The following DSG1 variants were observed in gnomAD, a reference collection of about 807,000 sequenced individuals.
DSG1 encodes the protein desmoglein 1.
Under a neutral mutation model 97.5 loss-of-function variants are expected in DSG1, and 39 were observed. The observed-to-expected ratio is 0.40, with a 90% CI of 0.31 to 0.52. The LOEUF is 0.52. Ranked by LOEUF, DSG1 falls within the 20% of genes least tolerant of loss-of-function variation. DSG1 has a pLI of 0.53. For missense variants in DSG1, 1,311 were observed against 1,295.4 expected (o/e 1.01, Z -0.18); for synonymous variants, 475 against 443.4 (o/e 1.07, Z -0.90).
chr18:31,321,299 G>T (rs961569996), intron 1 of DSG1, among the ~76,000 whole-genome samples: 3 of 152,028 alleles, frequency 2.0e-5, no homozygotes, highest in Non-Finnish European at 4.4e-5. Context: ...CCCCAAAATT[G>T]TGTTCACAGA....
rs769753882 is a variant in DSG1, at chr18:31,354,637, A to G, written c.2441A>G (p.Tyr814Cys). The G allele has an allele frequency of 1.2e-6, 2 of 1,614,108 alleles. No homozygotes were observed. The highest frequency in any genetic ancestry group is 3.3e-5 in the Admixed American group (2 of 60,022). The change falls in exon 15 of 15, where the codon TAT becomes TGT. Residue 814 changes from tyrosine to cysteine, a missense_variant. Physicochemically the swap from Tyr to Cys is radical, Grantham distance 194 (BLOSUM62 -2). Coordinates refer to ENST00000257192, the MANE Select transcript of DSG1 (RefSeq NM_001942.4). Reference protein sequence around the residue: ...GTTTVISESTYPSGPGVLHPK... With the variant: ...GTTTVISESTCPSGPGVLHPK... ...ACCACAGTAATTTCTGAGAGCACCTATCCCTCGGGACCTGGTGTACTGCAT... is the reference window on the plus strand; with the variant it reads ...ACCACAGTAATTTCTGAGAGCACCTGTCCCTCGGGACCTGGTGTACTGCAT...
chr18:31,318,460 A>G (rs1223335744), intron 1 of DSG1, 112 bp downstream of exon 1: 2 of 855,158 alleles, frequency 2.3e-6, no homozygotes, highest in East Asian at 2.4e-5. Context: ...TTGAAAATGT[A>G]TATTAATGAC....
chr18:31,348,270 C>A (rs1373548267), intron 14 of DSG1, among the ~76,000 whole-genome samples: 1 of 150,918 alleles, frequency 6.6e-6, no homozygotes, highest in Non-Finnish European at 1.5e-5. Flanking sequence ...TTTCCAATTT[C>A]ATCCATGTCC....
intron 11 of DSG1, 91 bp from the exon 12 acceptor site, chr18:31,343,359 C>T (rs956770605): frequency 1.0e-5 from 16 of 1,550,980 alleles, no homozygotes; most frequent in Middle Eastern, 2.1e-4. Context: ...AATTATATTA[C>T]GAATTCAAAT....
intron 9 of DSG1, 112 bp from the exon 10 acceptor site, chr18:31,338,203 A>C: frequency 8.6e-7 from 1 of 1,168,602 alleles, no homozygotes. Context: ...TAGTAATTGA[A>C]AACTGTATCT....
intron 8 of DSG1, among the ~76,000 whole-genome samples, chr18:31,336,124 T>C (rs1288693954): frequency 1.3e-5 from 2 of 152,162 alleles, no homozygotes; most frequent in African/African-American, 4.8e-5. Flanking sequence ...ACGTCATATG[T>C]TTTCAACTTT....
In DSG1 at chr18:31,334,076, T is replaced by G; in HGVS notation, c.879T>G (p.Ile293Met). The change falls in exon 8 of 15, where the codon ATT becomes ATG. Residue 293 changes from isoleucine (I) to methionine (M), a missense_variant. This residue lies in a region of DSG1 where 1,038 missense variants were observed against 964.6 expected (regional missense o/e 1.08). Coordinates refer to ENST00000257192, the MANE Select transcript of DSG1 (RefSeq NM_001942.4). ...CAAATTTGCTCGAGATTAGAGTAAT[T>G]GATTTGGATGAAGAGTTCTCAGCTA... ...LNSNLLEIRV[I>M]DLDEEFSANW... 1.9e-6 allele frequency: 3 copies of G among 1,610,636 alleles called. No homozygotes were observed. The highest frequency in any genetic ancestry group is 2.5e-6 in the Non-Finnish European group (3 of 1,177,070).
intron 12 of DSG1, 25 bp from the exon 13 acceptor site, chr18:31,343,901 G>A: frequency 6.3e-7 from 1 of 1,580,580 alleles, no homozygotes; most frequent in South Asian, 1.1e-5. Flanking sequence ...CACTACAAAT[G>A]GAAATGTTGT....
chr18:31,323,976 C>T (rs1221949440), intron 1 of DSG1, among the ~76,000 whole-genome samples: 5 of 94,984 alleles, frequency 5.3e-5, no homozygotes, highest in South Asian at 4.4e-4. Flanking sequence ...TCTCTCCTTC[C>T]TTTTTTTTTT....
intron 10 of DSG1, 92 bp from the exon 11 acceptor site, chr18:31,339,652 A>T: frequency 2.0e-6 from 2 of 995,948 alleles, no homozygotes; most frequent in Non-Finnish European, 3.0e-6. Flanking sequence ...AGACACTGAA[A>T]TAAATGTTAA....
Position 31,339,852 on chromosome 18 carries a change from G to A in DSG1, c.1514G>A (p.Gly505Asp), listed in dbSNP as rs1225339100. 3.7e-6 allele frequency: 6 copies of A among 1,613,862 alleles called. No homozygotes were observed. The African/African-American group carries it at 5.3e-5, about 14-fold the overall frequency. The change falls in exon 11 of 15, where the codon GGC (glycine) becomes GAC (aspartate). Residue 505 changes from glycine (G) to aspartate (D), a missense_variant. Physicochemically the swap from Gly to Asp is moderately conservative, Grantham distance 94. This residue lies in a region of DSG1 where 1,038 missense variants were observed against 964.6 expected (regional missense o/e 1.08). Transcript: ENST00000257192. ...AACACTAAAATTACTACCAATACTG[G>A]CAGACAAGAAAGTACTTCTTCCACT... is the stretch of plus-strand genomic sequence containing the variant. ...EPNTKITTNT[G>D]RQESTSSTNY...
In DSG1 at chr18:31,336,624, G is replaced by C; in HGVS notation, c.1265+11G>C. ...TTCAACGACTGTTAGGTAAGAATGA[G>C]ATTTTCAACTAATTTTCCTTACATA... On this transcript the variant is annotated intron_variant, in intron 9 of 14. Coordinates refer to ENST00000257192, the MANE Select transcript of DSG1 (RefSeq NM_001942.4). 1 of 1,613,804 alleles carries C rather than the reference G, an allele frequency of 6.2e-7. No homozygotes were observed. The highest frequency in any genetic ancestry group is 8.5e-7 in the Non-Finnish European group (1 of 1,179,840).
intron 9 of DSG1, 41 bp from the exon 10 acceptor site, chr18:31,338,274 G>A: frequency 6.3e-7 from 1 of 1,598,904 alleles, no homozygotes; most frequent in South Asian, 1.1e-5. Flanking sequence ...TCTTTTTTTA[G>A]ATAGCTGACA....
rs1308193623 is a variant in DSG1, at chr18:31,356,816, A to G, written c.*1470A>G. On this transcript the variant is annotated 3_prime_UTR_variant, in exon 15 of 15. Coordinates refer to ENST00000257192, the MANE Select transcript of DSG1 (RefSeq NM_001942.4). ...TATTTTTCTAGTTTCAAAATTTAGT[A>G]ATGTCCTATTTATGATATATCATTT... 6.6e-6 allele frequency: 1 copy of G among 152,150 alleles called. No individual in the cohort carries two copies. Among genetic ancestry groups the G allele is most frequent in the South Asian group, 2.1e-4 (1 of 4,826 alleles). The allele number at this position is 152,150 out of a possible 1,614,324, so 9.4% of individuals were successfully genotyped here.
At chr18:31,321,565 T>C (rs1568038483) in intron 1 of DSG1, among the ~76,000 whole-genome samples, 1 of 152,320 alleles carries the variant, frequency 6.6e-6, no homozygotes, top group East Asian at 1.9e-4. Context: ...TCGCTGTAGA[T>C]TTAGGATTAG....
At chr18:31,333,957 C>A in intron 7 of DSG1, 60 bp from the exon 8 acceptor site, 1 of 1,256,078 alleles carries the variant, frequency 8.0e-7, no homozygotes, top group Non-Finnish European at 1.2e-6. Context: ...CAGTATAAGC[C>A]TACTGTAGTT....
rs1433908607 is a variant in DSG1, at chr18:31,357,749, C to G, written c.*2403C>G. On this transcript the variant is annotated 3_prime_UTR_variant, in exon 15 of 15. Coordinates refer to ENST00000257192, the MANE Select transcript of DSG1 (RefSeq NM_001942.4). ...AGTCATCTATCTTTCTAGGAAGATACTTTCTAACCAAACTTTTCTTCCAGG... is the reference window on the plus strand; with the variant it reads ...AGTCATCTATCTTTCTAGGAAGATAGTTTCTAACCAAACTTTTCTTCCAGG... Among the ~76,000 whole-genome samples the G allele has an allele frequency of 6.6e-6, 1 of 151,908 alleles. No individual in the cohort carries two copies. Among genetic ancestry groups the G allele is most frequent in the Non-Finnish European group, 1.5e-5 (1 of 67,870 alleles).
intron 1 of DSG1, among the ~76,000 whole-genome samples, chr18:31,321,526 T>C (rs192916927): frequency 1.2e-4 from 19 of 152,328 alleles, no homozygotes. Flanking sequence ...CATTAACAGT[T>C]ATATGGTGTT....
chr18:31,348,347 T>C (rs1210306167), intron 14 of DSG1, among the ~76,000 whole-genome samples: 1 of 152,014 alleles, frequency 6.6e-6, no homozygotes, highest in African/African-American at 2.4e-5. Flanking sequence ...ATGTGCCACA[T>C]TTTCTTAATC....
Sources: allele counts gnomAD v4.1 joint callset (sites outside exome capture counted in the v4.1 genomes callset), GRCh38; gene constraint gnomAD v4.1.1; regional missense constraint gnomAD v4.1.1; transcripts MANE v1.5; gene names NCBI Gene and HGNC (gene_info 2026-07-23, HGNC 2026-07-21).